The following CCDC171 variants were observed in gnomAD, a reference collection of about 807,000 sequenced individuals.
CCDC171 encodes the protein coiled-coil domain-containing protein 171.
CCDC171 carries 177 observed loss-of-function variants against 168.2 expected under a neutral mutation model. The ratio of observed to expected loss-of-function variants is 1.05; its 90% CI spans 0.93 to 1.19. The LOEUF (loss-of-function observed/expected upper bound fraction) is 1.19. Ranked by LOEUF, CCDC171 falls within the 50% of genes most tolerant of loss-of-function variation. CCDC171 has a pLI of 0.00. For missense variants in CCDC171, 1,991 were observed against 1,539.0 expected, an observed-to-expected ratio of 1.29 and a Z score of -4.91; for synonymous variants, 687 against 540.8, an observed-to-expected ratio of 1.27 and a Z score of -3.75.
chr9:15,792,491 T>C (rs190806374), intron 21 of CCDC171, among the ~76,000 whole-genome samples: 10 of 152,126 alleles, frequency 6.6e-5, no homozygotes, highest in African/African-American at 1.7e-4. Context: ...AGATACTCCT[T>C]GAGAAGAGCT....
intron 1 of CCDC171, among the ~76,000 whole-genome samples, chr9:16,053,741 C>T (rs1833789654): frequency 6.6e-6 from 1 of 152,218 alleles, no homozygotes; most frequent in Admixed American, 6.5e-5. Flanking sequence ...AGTCTGGCAC[C>T]TCAAGATGGT....
chr9:15,733,348 A>G (rs1305967800), intron 16 of CCDC171, among the ~76,000 whole-genome samples: 1 of 152,126 alleles, frequency 6.6e-6, no homozygotes, highest in East Asian at 1.9e-4. Context: ...ATTACATGTA[A>G]GAACTCTTTG....
At chr9:15,625,133 C>G (rs1447723919) in intron 7 of CCDC171, among the ~76,000 whole-genome samples, 1 of 152,184 alleles carries the variant, frequency 6.6e-6, no homozygotes, top group Non-Finnish European at 1.5e-5. Flanking sequence ...AGTGTCTGTT[C>G]ATATCCTTCG....
intron 3 of CCDC171, among the ~76,000 whole-genome samples, chr9:16,013,500 T>A (rs766957323): frequency 6.6e-6 from 1 of 152,238 alleles, no homozygotes; most frequent in South Asian, 2.1e-4. Flanking sequence ...CACCTTCCTA[T>A]GGGAGGCAGG....
rs1170244670 is a variant in CCDC171 at position 16,027,215 on chromosome 9, A to G, written n.998+4307A>G. On this transcript the variant is annotated intron_variant and non_coding_transcript_variant, in intron 6 of 9. Transcript: ENST00000486641. Reference sequence around the variant, plus strand: ...TTTCTCTGGGCTTCCACTGATAATGACCCAGAGGAAATTTCTTTTCCTTTG... The same window carrying G: ...TTTCTCTGGGCTTCCACTGATAATGGCCCAGAGGAAATTTCTTTTCCTTTG... Among the ~76,000 whole-genome samples the G allele has an allele frequency of 2.0e-5, 3 of 152,316 alleles. No individual in the cohort carries two copies. In the South Asian group the frequency reaches 6.2e-4, roughly 32 times the overall value.
intron 16 of CCDC171, among the ~76,000 whole-genome samples, chr9:15,731,338 G>C (rs2054138202): frequency 6.6e-6 from 1 of 152,054 alleles, no homozygotes; most frequent in Non-Finnish European, 1.5e-5. Flanking sequence ...TTACCCTAGA[G>C]TGTTCTCATG....
intron 11 of CCDC171, among the ~76,000 whole-genome samples, chr9:15,708,090 T>A (rs1216942578): frequency 6.6e-6 from 1 of 152,208 alleles, no homozygotes; most frequent in African/African-American, 2.4e-5. Context: ...TCAGGTGATC[T>A]GCCCGTCTTG....
Position 15,587,989 on chromosome 9 carries a change from C to G in CCDC171, c.353-3377C>G, listed in dbSNP as rs183890916. On this transcript the variant is annotated intron_variant, in intron 4 of 25. Coordinates refer to ENST00000380701, the MANE Select transcript of CCDC171 (RefSeq NM_173550.4). ...CGGTGGCTCACGCCTGTAATCGCAG[C>G]ACTTTGGGAGGCCGAGGCAGGTGGA... Among the ~76,000 whole-genome samples, 348 of 152,264 alleles carry G rather than the reference C, an allele frequency of 2.3e-3. 1 individual carries two copies. Among genetic ancestry groups the G allele is most frequent in the African/African-American group, 8.1e-3 (336 of 41,550 alleles).
At chr9:15,637,688 C>G (rs1387976428) in intron 7 of CCDC171, among the ~76,000 whole-genome samples, 2 of 141,162 alleles carry the variant, frequency 1.4e-5, no homozygotes, top group South Asian at 4.4e-4. Context: ...TCTCATTGTT[C>G]AGTTCCCATC....
intron 23 of CCDC171, among the ~76,000 whole-genome samples, chr9:15,870,588 A>G (rs2061992880): frequency 1.3e-5 from 2 of 151,898 alleles, no homozygotes; most frequent in East Asian, 1.9e-4. Context: ...CTCAGTTTTT[A>G]TATATACCTT....
chr9:15,696,388 A>C (rs2051218274), intron 11 of CCDC171, among the ~76,000 whole-genome samples: 1 of 152,212 alleles, frequency 6.6e-6, no homozygotes, highest in African/African-American at 2.4e-5. Flanking sequence ...TTATGAAATT[A>C]ATGTGTAACT....
chr9:15,721,646 A>G lies in CCDC171; in HGVS notation c.1319-123A>G, dbSNP rs567585094. ...CTCCAAGTATACTGCTGTATGGCCAAGTATTAATAGTTTCATAACGTCTTT... is the reference window on the plus strand; with the variant it reads ...CTCCAAGTATACTGCTGTATGGCCAGGTATTAATAGTTTCATAACGTCTTT... On this transcript the variant is annotated intron_variant, in intron 11 of 25. Coordinates refer to ENST00000380701, the MANE Select transcript of CCDC171 (RefSeq NM_173550.4). 9 of 379,006 alleles carry G rather than the reference A, an allele frequency of 2.4e-5. No individual in the cohort carries two copies. The East Asian group carries it at 3.6e-4, about 15-fold the overall frequency. 23.5% of individuals were successfully genotyped at this position (379,006 alleles called of 1,614,324 possible).
At chr9:16,000,829 C>G (rs915856916) in intron 3 of CCDC171, among the ~76,000 whole-genome samples, 24 of 152,236 alleles carry the variant, frequency 1.6e-4, no homozygotes, top group Middle Eastern at 3.4e-3. Flanking sequence ...CTAAAATCCA[C>G]TTATTCTTAG....
intron 18 of CCDC171, among the ~76,000 whole-genome samples, chr9:15,775,698 T>G (rs1219282833): frequency 1.3e-5 from 2 of 152,210 alleles, no homozygotes; most frequent in Admixed American, 6.5e-5. Flanking sequence ...ATCCTGAAAT[T>G]TCCTAAAATA....
At chr9:15,584,931 A>T (rs1189600650) in intron 4 of CCDC171, among the ~76,000 whole-genome samples, 2 of 152,218 alleles carry the variant, frequency 1.3e-5, no homozygotes, top group African/African-American at 4.8e-5. Context: ...GCTCAGAGTC[A>T]AACAATTTCA....
chr9:15,912,462 GT>G (rs1450543978), intron 24 of CCDC171, among the ~76,000 whole-genome samples: 1 of 152,048 alleles, frequency 6.6e-6, no homozygotes, highest in South Asian at 2.1e-4. Context: ...AGACGATGGG[GT>G]TTTTTTAATA....
At chr9:15,830,540 G>A (rs1182482424) in intron 21 of CCDC171, among the ~76,000 whole-genome samples, 1 of 152,128 alleles carries the variant, frequency 6.6e-6, no homozygotes, top group Non-Finnish European at 1.5e-5. Context: ...CCTAATAATA[G>A]GAAGTTCAGA....
At chr9:15,844,333 T>C (rs919486386) in intron 21 of CCDC171, among the ~76,000 whole-genome samples, 2 of 152,014 alleles carry the variant, frequency 1.3e-5, no homozygotes, top group Admixed American at 6.6e-5. Context: ...TATGTAAATA[T>C]ATATACACAA....
intron 7 of CCDC171, among the ~76,000 whole-genome samples, chr9:15,628,530 T>C (rs1208162308): frequency 6.6e-6 from 1 of 152,182 alleles, no homozygotes; most frequent in African/African-American, 2.4e-5. Flanking sequence ...GCTGGGAAGC[T>C]TGAATTGGGT....
Sources: gnomAD v4.1 joint callset for allele counts (sites outside exome capture counted in the v4.1 genomes callset) on GRCh38, gnomAD v4.1.1 for gene constraint, MANE v1.5 for transcripts, NCBI Gene and HGNC (gene_info 2026-07-23, HGNC 2026-07-21) for gene names.